COL4A6: variants seen among roughly 807,000 people sequenced by gnomAD.
COL4A6 encodes the protein collagen alpha-6(IV) chain.
COL4A6 carries 59 observed loss-of-function variants against 126.7 expected under a neutral mutation model. The observed-to-expected ratio is 0.47, with a 90% CI of 0.38 to 0.58. The LOEUF (loss-of-function observed/expected upper bound fraction) is 0.58, where lower values mean the gene tolerates loss of function less well. Among genes scored for constraint, COL4A6 ranks in the 20% least tolerant of loss-of-function variants. The pLI is 0.00. For synonymous variants in COL4A6, 547 were observed against 496.6 expected (o/e 1.10, Z -1.35); for missense variants, 1,285 against 1,337.3 (o/e 0.96, Z 0.61).
chrX:108,178,246 G>A (rs923530054), intron 27 of COL4A6, among the ~76,000 whole-genome samples: 1 of 112,317 alleles, frequency 8.9e-6, no homozygotes, highest in African/African-American at 3.2e-5. Context: ...CTTGGCCATG[G>A]GTCCTTGGAG....
intron 15 of COL4A6, among the ~76,000 whole-genome samples, chrX:108,194,803 C>T (rs1229170869): frequency 9.0e-6 from 1 of 111,612 alleles, no homozygotes; most frequent in African/African-American, 3.3e-5. Context: ...GGCCATAAGG[C>T]TAGACACGGA....
At chrX:108,274,880 C>T (rs766293978) in intron 3 of COL4A6, among the ~76,000 whole-genome samples, 1 of 111,301 alleles carries the variant, frequency 9.0e-6, no homozygotes, top group East Asian at 2.8e-4. Flanking sequence ...AATGACTATT[C>T]TAGCACCTTT....
chrX:108,229,757 C>A (rs940595926), intron 3 of COL4A6, among the ~76,000 whole-genome samples: 1 of 112,050 alleles, frequency 8.9e-6, no homozygotes, highest in Admixed American at 9.5e-5. Flanking sequence ...TGACTTAGGG[C>A]ACCTCTCCTT....
At chrX:108,313,475 TA>T (rs1039909777) in intron 2 of COL4A6, among the ~76,000 whole-genome samples, 1 of 111,924 alleles carries the variant, frequency 8.9e-6, no homozygotes, top group African/African-American at 3.2e-5. Flanking sequence ...TAAGTTATAA[TA>T]AAAATGTAAG....
intron 2 of COL4A6, among the ~76,000 whole-genome samples, chrX:108,387,580 T>C (rs765911893): frequency 8.9e-6 from 1 of 112,446 alleles, no homozygotes; most frequent in East Asian, 2.8e-4. Context: ...CCTGAGACTT[T>C]GCTGAAGTTG....
chrX:108,233,570 C>T (rs918844389), intron 3 of COL4A6, among the ~76,000 whole-genome samples: 1 of 112,085 alleles, frequency 8.9e-6, no homozygotes, highest in Non-Finnish European at 1.9e-5. Context: ...AAGCAATTTA[C>T]TTACATAGTT....
At chrX:108,199,293 G>A (rs774072972) in intron 13 of COL4A6, among the ~76,000 whole-genome samples, 20 of 111,088 alleles carry the variant, frequency 1.8e-4, no homozygotes, top group Non-Finnish European at 3.4e-4. Flanking sequence ...GATTTGAGAA[G>A]CACATTTCCT....
In COL4A6 at chrX:108,159,609, G is replaced by A. The variant is rs368621357; in HGVS notation, c.4665C>T (p.Val1555=). 6 of 1,211,103 alleles carry A rather than the reference G, an allele frequency of 5.0e-6. No individual in the cohort carries two copies. In the African/African-American group the frequency reaches 1.0e-4, roughly 21 times the overall value. ...STTAPIPMMP[V]SQTQIPQYIS... ...TGTACTGGGGAATCTGGGTCTGGCT[G>A]ACGGGCATCATGGGGATAGGGGCGG... The change falls in exon 44 of 45, where the codon GTC becomes GTT. Residue 1555 remains valine (V), a synonymous_variant. Coordinates refer to ENST00000334504, the MANE Select transcript of COL4A6 (RefSeq NM_033641.4).
chrX:108,164,474 A>G, intron 40 of COL4A6, 126 bp downstream of exon 40: 1 of 605,795 alleles, frequency 1.7e-6, no homozygotes, highest in Non-Finnish European at 2.7e-6. Context: ...TCTCTGGGGT[A>G]CCTTGATCCA....
At chrX:108,422,565 T>C (rs1005248474) in intron 2 of COL4A6, among the ~76,000 whole-genome samples, 1 of 110,939 alleles carries the variant, frequency 9.0e-6, no homozygotes, top group Non-Finnish European at 1.9e-5. Flanking sequence ...AATATACACA[T>C]AGAAATGTAT....
chrX:108,214,078 A>T lies in COL4A6; in HGVS notation c.441+34T>A, dbSNP rs375551557. On this transcript the variant is annotated intron_variant, in intron 6 of 44. Coordinates refer to ENST00000334504, the MANE Select transcript of COL4A6 (RefSeq NM_033641.4). ...GGCACACGTAGAGACAAGCAAAGCC[A>T]TTTGAAATAAAATGCAAATATCTGG... 2.3e-5 allele frequency: 26 copies of T among 1,123,552 alleles called. No homozygotes were observed. In the African/African-American group the frequency reaches 4.7e-4, roughly 20 times the overall value. The allele number at this position is 1,123,552 out of a possible 1,213,427, so 92.6% of individuals were successfully genotyped here. A position where few individuals can be genotyped will look rare whatever the true frequency, so the allele number is the denominator to read the frequency against.
chrX:108,410,808 A>G (rs750760073), intron 2 of COL4A6, among the ~76,000 whole-genome samples: 2 of 111,778 alleles, frequency 1.8e-5, no homozygotes, highest in East Asian at 5.6e-4. Flanking sequence ...GGTACCCCAT[A>G]CTTCCATTTT....
At chrX:108,407,276 T>C (rs2041226024) in intron 2 of COL4A6, among the ~76,000 whole-genome samples, 1 of 112,263 alleles carries the variant, frequency 8.9e-6, no homozygotes, top group Non-Finnish European at 1.9e-5. Flanking sequence ...CTTCAGAGGA[T>C]ATTAAGGCCT....
intron 40 of COL4A6, chrX:108,163,348 G>A: frequency 4.7e-6 from 1 of 213,714 alleles, no homozygotes; most frequent in Non-Finnish European, 8.3e-6. Context: ...GGTGAGCTGA[G>A]CCTTCTCTCA....
chrX:108,426,271 G>A (rs2064082991), intron 2 of COL4A6, among the ~76,000 whole-genome samples: 1 of 111,693 alleles, frequency 9.0e-6, no homozygotes, highest in South Asian at 3.8e-4. Context: ...AGAAAAATCT[G>A]TCTCCCAAAA....
chrX:108,427,117 A>G (rs758398069), intron 2 of COL4A6, among the ~76,000 whole-genome samples: 23 of 112,070 alleles, frequency 2.1e-4, no homozygotes, highest in Non-Finnish European at 4.1e-4. Context: ...TACACCCCAC[A>G]TAGAGAGATA....
At chrX:108,270,926 C>G (rs1318155384) in intron 3 of COL4A6, among the ~76,000 whole-genome samples, 1 of 111,300 alleles carries the variant, frequency 9.0e-6, no homozygotes, top group Non-Finnish European at 1.9e-5. Flanking sequence ...CTATGGTTGC[C>G]CATGAGTTCC....
intron 3 of COL4A6, among the ~76,000 whole-genome samples, chrX:108,295,866 T>C (rs1603033368): frequency 8.9e-6 from 1 of 112,156 alleles, no homozygotes; most frequent in Admixed American, 9.4e-5. Flanking sequence ...CAGTTGGTGG[T>C]AGTTAATGGC....
chrX:108,335,225 G>A (rs1231508229), intron 2 of COL4A6, among the ~76,000 whole-genome samples: 4 of 112,282 alleles, frequency 3.6e-5, no homozygotes, highest in Non-Finnish European at 7.5e-5. Flanking sequence ...GGGTATCTTT[G>A]TAGCACCAGA....
Sources: gnomAD v4.1 joint callset for allele counts (sites outside exome capture counted in the v4.1 genomes callset) on GRCh38, gnomAD v4.1.1 for gene constraint, MANE v1.5 for transcripts, NCBI Gene and HGNC (gene_info 2026-07-23, HGNC 2026-07-21) for gene names.